Variants in VPS41 observed in about 807,000 individuals in gnomAD.
VPS41 encodes vacuolar protein sorting-associated protein 41 homolog.
VPS41 carries 85 observed loss-of-function variants against 130.9 expected under a neutral mutation model. That is an observed-to-expected ratio of 0.65 (90% CI 0.55 to 0.78). The LOEUF (loss-of-function observed/expected upper bound fraction) is 0.78. Among genes scored for constraint, VPS41 ranks in the 30% least tolerant of loss-of-function variants. VPS41 has a pLI of 0.00. For missense variants in VPS41, 874 were observed against 1,018.7 expected (o/e 0.86, Z 1.93); for synonymous variants, 335 against 332.9 (o/e 1.01, Z -0.07).
At chr7:38,778,417 A>G (rs964582217) in intron 10 of VPS41, among the ~76,000 whole-genome samples, 2 of 152,220 alleles carry the variant, frequency 1.3e-5, no homozygotes, top group Non-Finnish European at 2.9e-5. Context: ...TGGGCGGTGA[A>G]GCAGGGAGCA....
intron 17 of VPS41, among the ~76,000 whole-genome samples, chr7:38,759,363 T>A (rs887729796): frequency 6.6e-6 from 1 of 152,148 alleles, no homozygotes; most frequent in East Asian, 1.9e-4. Flanking sequence ...GTTGTGAGAG[T>A]ATAGCATGAG....
chr7:38,810,797 CTA>C (rs1237508794), intron 7 of VPS41, among the ~76,000 whole-genome samples: 1 of 152,128 alleles, frequency 6.6e-6, no homozygotes, highest in Non-Finnish European at 1.5e-5. Flanking sequence ...TCTTTTCCCC[CTA>C]TGTGATCTGC....
intron 10 of VPS41, among the ~76,000 whole-genome samples, chr7:38,785,447 T>C (rs564966833): frequency 1.3e-5 from 2 of 152,370 alleles, no homozygotes; most frequent in African/African-American, 4.8e-5. Context: ...AAATTTAGTT[T>C]GCAATTTAAT....
At chr7:38,870,760 A>C (rs1178076665) in intron 2 of VPS41, among the ~76,000 whole-genome samples, 64 of 146,394 alleles carry the variant, frequency 4.4e-4, no homozygotes, top group African/African-American at 1.6e-3. Context: ...AAAAAAAAAA[A>C]AAAACAGAAA....
intron 2 of VPS41, among the ~76,000 whole-genome samples, chr7:38,874,104 C>T (rs886307076): frequency 6.6e-6 from 1 of 152,124 alleles, no homozygotes; most frequent in Non-Finnish European, 1.5e-5. Context: ...AATAATTGTG[C>T]AGAATGGGTT....
chr7:38,900,415 A>G (rs1314725176), intron 1 of VPS41, among the ~76,000 whole-genome samples: 1 of 152,158 alleles, frequency 6.6e-6, no homozygotes, highest in Non-Finnish European at 1.5e-5. Flanking sequence ...AGGGTAGATG[A>G]TGAGAAAATT....
rs1314397816 is a variant in VPS41 at position 38,752,217 on chromosome 7, G to GT, written c.1884dup (p.Leu629ThrfsTer13). 7 of 1,613,870 alleles carry GT rather than the reference G, an allele frequency of 4.3e-6. No individual in the cohort carries two copies. In the South Asian group the frequency reaches 5.5e-5, roughly 13 times the overall value. On this transcript the variant is annotated frameshift_variant, in exon 22 of 29. Coordinates refer to ENST00000310301, the MANE Select transcript of VPS41 (RefSeq NM_014396.4). LOFTEE classifies it high-confidence loss of function. ...TGGGTACTGTCTCGGAGAAAGGGAA[G>GT]TAAGTTTGGTCGATCATATTCAGCA... is the stretch of plus-strand genomic sequence containing the variant.
intron 10 of VPS41, among the ~76,000 whole-genome samples, chr7:38,782,835 G>C (rs927458035): frequency 2.0e-5 from 3 of 152,240 alleles, no homozygotes; most frequent in Admixed American, 2.0e-4. Flanking sequence ...GAGTGACTGA[G>C]GCTGGGTGCG....
chr7:38,813,883 G>GA (rs936833792), intron 7 of VPS41, among the ~76,000 whole-genome samples: 4 of 150,766 alleles, frequency 2.7e-5, no homozygotes, highest in Non-Finnish European at 3.0e-5. Flanking sequence ...AACTGAATAG[G>GA]AAAAAAAAAT....
At chr7:38,797,462 A>G (rs1391029285) in intron 7 of VPS41, among the ~76,000 whole-genome samples, 1 of 152,218 alleles carries the variant, frequency 6.6e-6, no homozygotes, top group Non-Finnish European at 1.5e-5. Flanking sequence ...TGCTGGATAA[A>G]TTTTAATATA....
chr7:38,829,369 T>C (rs1454162502), intron 5 of VPS41, among the ~76,000 whole-genome samples: 2 of 152,232 alleles, frequency 1.3e-5, no homozygotes, highest in Admixed American at 6.5e-5. Context: ...TTTACCCATC[T>C]TAATGGCCCA....
chr7:38,849,233 T>A (rs1307971893), intron 4 of VPS41, among the ~76,000 whole-genome samples: 1 of 152,046 alleles, frequency 6.6e-6, no homozygotes, highest in South Asian at 2.1e-4. Context: ...TGCAGATGGG[T>A]GGGCTGTGGT....
intron 4 of VPS41, among the ~76,000 whole-genome samples, chr7:38,854,969 G>A (rs1193753896): frequency 6.6e-6 from 1 of 151,714 alleles, no homozygotes; most frequent in Non-Finnish European, 1.5e-5. Context: ...CCAGCACTTT[G>A]GCAGGCCGAG....
chr7:38,815,963 CAT>C (rs1313408252), intron 7 of VPS41, among the ~76,000 whole-genome samples: 2 of 151,956 alleles, frequency 1.3e-5, no homozygotes, highest in African/African-American at 4.8e-5. Context: ...CACACACACA[CAT>C]CTATCCTATT....
At chr7:38,782,541 T>G (rs930909736) in intron 10 of VPS41, among the ~76,000 whole-genome samples, 1 of 152,208 alleles carries the variant, frequency 6.6e-6, no homozygotes, top group African/African-American at 2.4e-5. Context: ...ACTAGGTAGT[T>G]TGAAAAATTA....
Position 38,763,438 on chromosome 7 carries a change from AC to A in VPS41, c.1422+16del. 6.6e-7 allele frequency: 1 copy of A among 1,518,206 alleles called. No homozygotes were observed. Among genetic ancestry groups the A allele is most frequent in the Non-Finnish European group, 8.9e-7 (1 of 1,120,188 alleles). 94.0% of individuals were successfully genotyped at this position (1,518,206 alleles called of 1,614,324 possible). ...CCATCGAGAACAAGTAAATATGACC[AC>A]ATCAGAACACCATACCTCATAATCA... On this transcript the variant is annotated intron_variant, in intron 17 of 28. Transcript: ENST00000310301.
intron 4 of VPS41, among the ~76,000 whole-genome samples, chr7:38,831,668 A>G (rs1472780292): frequency 2.6e-5 from 4 of 152,248 alleles, no homozygotes; most frequent in Non-Finnish European, 5.9e-5. Flanking sequence ...ATCACATTAT[A>G]TCATTTGCAA....
chr7:38,747,757 T>A (rs1240593446), intron 22 of VPS41, among the ~76,000 whole-genome samples: 1 of 152,228 alleles, frequency 6.6e-6, no homozygotes, highest in East Asian at 1.9e-4. Context: ...AGATTTCAAA[T>A]ACTCAATTGT....
At chr7:38,764,547 C>T (rs1282648407) in intron 16 of VPS41, among the ~76,000 whole-genome samples, 2 of 152,034 alleles carry the variant, frequency 1.3e-5, no homozygotes, top group Admixed American at 6.5e-5. Context: ...TATCAGAAGG[C>T]ATTTGCTATG....
Sources: gnomAD v4.1 joint callset for allele counts (sites outside exome capture counted in the v4.1 genomes callset) on GRCh38, gnomAD v4.1.1 for gene constraint, MANE v1.5 for transcripts, NCBI Gene and HGNC (gene_info 2026-07-23, HGNC 2026-07-21) for gene names.